LRFN5: variants seen among roughly 807,000 people sequenced by gnomAD.
LRFN5 encodes leucine rich repeat and fibronectin type III domain containing 5.
LRFN5 carries 24 observed loss-of-function variants against 45.6 expected under a neutral mutation model. The ratio of observed to expected loss-of-function variants is 0.53; its 90% CI spans 0.38 to 0.74. The LOEUF is 0.74. Ranked by LOEUF, LRFN5 falls within the 30% of genes least tolerant of loss-of-function variation. LRFN5 has a pLI of 0.00. For missense variants in LRFN5, 776 were observed against 861.5 expected (o/e 0.90, Z 1.24); for synonymous variants, 340 against 313.8 (o/e 1.08, Z -0.88).
At chr14:41,836,467 T>C (rs1265845466) in intron 2 of LRFN5, among the ~76,000 whole-genome samples, 1 of 152,124 alleles carries the variant, frequency 6.6e-6, no homozygotes, top group Non-Finnish European at 1.5e-5. Flanking sequence ...TGTGTACTTA[T>C]GTGTCTGTTA....
intron 2 of LRFN5, among the ~76,000 whole-genome samples, chr14:41,849,100 G>A (rs1889173637): frequency 6.6e-6 from 1 of 152,022 alleles, no homozygotes; most frequent in African/African-American, 2.4e-5. Flanking sequence ...TAAAGAGTCA[G>A]TATTAAGAAA....
At chr14:41,888,168 TG>T (rs975615786) in intron 3 of LRFN5, among the ~76,000 whole-genome samples, 158 bp downstream of exon 3, 4 of 152,096 alleles carry the variant, frequency 2.6e-5, no homozygotes, top group Non-Finnish European at 4.4e-5. Context: ...GTAATACAAG[TG>T]GGGAGATATT....
At chr14:41,648,371 G>T (rs1376528726) in intron 1 of LRFN5, among the ~76,000 whole-genome samples, 1 of 151,886 alleles carries the variant, frequency 6.6e-6, no homozygotes, top group Admixed American at 6.6e-5. Flanking sequence ...TAATTATTGT[G>T]CCTGGTGATA....
At chr14:41,810,239 A>G (rs1163674426) in intron 2 of LRFN5, among the ~76,000 whole-genome samples, 1 of 151,982 alleles carries the variant, frequency 6.6e-6, no homozygotes, top group East Asian at 1.9e-4. Context: ...CATCTCCACC[A>G]GTTTTTGCCT....
At chr14:41,829,850 A>G (rs1888420591) in intron 2 of LRFN5, among the ~76,000 whole-genome samples, 1 of 150,872 alleles carries the variant, frequency 6.6e-6, no homozygotes, top group Non-Finnish European at 1.5e-5. Flanking sequence ...CTTTTCTCAA[A>G]TTATTTTCTT....
At chr14:41,703,082 T>G (rs1477352889) in intron 1 of LRFN5, among the ~76,000 whole-genome samples, 2 of 152,190 alleles carry the variant, frequency 1.3e-5, no homozygotes, top group African/African-American at 4.8e-5. Context: ...ACTAGGAATA[T>G]TTTAAGACTG....
intron 2 of LRFN5, among the ~76,000 whole-genome samples, chr14:41,791,056 T>C (rs1271735395): frequency 1.3e-5 from 2 of 151,888 alleles, no homozygotes; most frequent in African/African-American, 4.8e-5. Flanking sequence ...ACTCTATATA[T>C]TTTGTTGCTA....
chr14:41,692,424 T>A (rs897550033), intron 1 of LRFN5, among the ~76,000 whole-genome samples: 11 of 152,144 alleles, frequency 7.2e-5, no homozygotes, highest in Admixed American at 7.2e-4. Flanking sequence ...TTCTTTTTTT[T>A]ATTATTATAC....
intron 1 of LRFN5, among the ~76,000 whole-genome samples, chr14:41,715,412 A>G (rs1008930215): frequency 6.6e-6 from 1 of 152,202 alleles, no homozygotes; most frequent in Non-Finnish European, 1.5e-5. Context: ...GTTCCATATG[A>G]AAGGTCAGAA....
At chr14:41,611,197 T>G (rs1294019116) in intron 1 of LRFN5, among the ~76,000 whole-genome samples, 1 of 152,170 alleles carries the variant, frequency 6.6e-6, no homozygotes, top group African/African-American at 2.4e-5. Context: ...GTGTGATGCA[T>G]GTTTGAAAAT....
In LRFN5 at chr14:41,759,448, TACACA is replaced by T. The variant is rs1465876084; in HGVS notation, c.-196-7405_-196-7401del. Among the ~76,000 whole-genome samples the T allele has an allele frequency of 3.4e-3, 377 of 109,726 alleles. 1 individual carries two copies. The highest frequency in any genetic ancestry group is 7.4e-3 in the Admixed American group (74 of 9,936). The allele number at this position is 109,726 out of a possible 152,430, so 72.0% of individuals were successfully genotyped here. ...CATTATAAAGTATATTCTCTCTCTC[TACACA>T]CACACACACACACACACACACACAC... On this transcript the variant is annotated intron_variant, in intron 1 of 5. Transcript: ENST00000298119.
chr14:41,782,703 T>C (rs1886571931), intron 2 of LRFN5, among the ~76,000 whole-genome samples: 1 of 152,176 alleles, frequency 6.6e-6, no homozygotes, highest in African/African-American at 2.4e-5. Context: ...GCATTTGCTC[T>C]AGTTGAAGGT....
chr14:41,637,390 A>G (rs1359595132), intron 1 of LRFN5, among the ~76,000 whole-genome samples: 1 of 152,172 alleles, frequency 6.6e-6, no homozygotes, highest in East Asian at 1.9e-4. Context: ...CAAGGGAGGA[A>G]GGAAAACTTT....
intron 1 of LRFN5, among the ~76,000 whole-genome samples, chr14:41,713,459 C>G (rs1883366530): frequency 6.6e-6 from 1 of 151,804 alleles, no homozygotes; most frequent in Non-Finnish European, 1.5e-5. Flanking sequence ...TAACATAAAA[C>G]TGAAGATATA....
intron 3 of LRFN5, 129 bp downstream of exon 3, chr14:41,888,139 G>T: frequency 2.8e-6 from 2 of 703,408 alleles, no homozygotes; most frequent in Non-Finnish European, 4.6e-6. Context: ...AGTGCATAGT[G>T]TAAGCTTTGA....
intron 1 of LRFN5, among the ~76,000 whole-genome samples, chr14:41,689,894 C>CAAAAAAA (rs10572529): frequency 1.2e-5 from 1 of 81,950 alleles, no homozygotes; most frequent in African/African-American, 4.4e-5. Flanking sequence ...GACTCCGTCT[C>CAAAAAAA]AAAAAAAAAA....
intron 1 of LRFN5, among the ~76,000 whole-genome samples, chr14:41,761,775 A>AT: frequency 6.6e-6 from 1 of 152,088 alleles, no homozygotes; most frequent in Non-Finnish European, 1.5e-5. Context: ...TATTTGAAGT[A>AT]TTTTTGTTAT....
At chr14:41,704,422 C>A (rs1014082629) in intron 1 of LRFN5, among the ~76,000 whole-genome samples, 10 of 76,412 alleles carry the variant, frequency 1.3e-4, no homozygotes, top group Admixed American at 2.8e-4. Context: ...CTCTCTCTCT[C>A]TCTCTCTCTC....
intron 4 of LRFN5, chr14:41,894,739 G>C: frequency 4.1e-6 from 4 of 984,210 alleles, no homozygotes; most frequent in Non-Finnish European, 4.8e-6. Flanking sequence ...TAAATGAATA[G>C]GTAAATATGG....
Sources: allele counts gnomAD v4.1 joint callset (sites outside exome capture counted in the v4.1 genomes callset), GRCh38; gene constraint gnomAD v4.1.1; transcripts MANE v1.5; gene names NCBI Gene and HGNC (gene_info 2026-07-23, HGNC 2026-07-21).